Variants in DCC observed in about 807,000 individuals in gnomAD.
DCC encodes DCC netrin 1 receptor.
Under a neutral mutation model 172.5 loss-of-function variants are expected in DCC, and 58 were observed. The observed-to-expected ratio is 0.34, with a 90% confidence interval of 0.27 to 0.42. The LOEUF is 0.42. Ranked by LOEUF, DCC falls within the 10% of genes least tolerant of loss-of-function variation. DCC has a pLI of 1.00. For missense variants in DCC, 1,740 were observed against 1,791.0 expected, an observed-to-expected ratio of 0.97 and a Z score of 0.51; for synonymous variants, 709 against 644.5, an observed-to-expected ratio of 1.10 and a Z score of -1.52.
intron 15 of DCC, among the ~76,000 whole-genome samples, chr18:53,360,519 A>G (rs2057934472): frequency 6.6e-6 from 1 of 152,152 alleles, no homozygotes; most frequent in South Asian, 2.1e-4. Flanking sequence ...TAAACTAGGC[A>G]TTTACTGTCT....
intron 2 of DCC, among the ~76,000 whole-genome samples, chr18:52,883,350 A>ATG (rs1172759213): frequency 0.052 from 1,778 of 34,038 alleles, 33 homozygotes; most frequent in East Asian, 0.16. Flanking sequence ...TTATTTATTT[A>ATG]TGTGTGTGTG....
At chr18:53,308,793 G>C (rs1485738845) in intron 13 of DCC, among the ~76,000 whole-genome samples, 1 of 152,214 alleles carries the variant, frequency 6.6e-6, no homozygotes, top group East Asian at 1.9e-4. Flanking sequence ...AAAATACCAC[G>C]AATTTCGTAA....
At chr18:52,914,639 T>C (rs779931724) in intron 3 of DCC, among the ~76,000 whole-genome samples, 1 of 128,492 alleles carries the variant, frequency 7.8e-6, no homozygotes, top group Non-Finnish European at 1.7e-5. Flanking sequence ...GGTTTTTCAA[T>C]AAAGAATATT....
chr18:53,227,612 T>C (rs1011134667), intron 12 of DCC, among the ~76,000 whole-genome samples: 4 of 152,282 alleles, frequency 2.6e-5, no homozygotes, highest in African/African-American at 9.6e-5. Context: ...AGTATGTTAA[T>C]AGTAGGAAAA....
intron 20 of DCC, among the ~76,000 whole-genome samples, chr18:53,415,496 A>G (rs1910257985): frequency 6.6e-6 from 1 of 152,210 alleles, no homozygotes; most frequent in South Asian, 2.1e-4. Flanking sequence ...TAGCAGAAAA[A>G]AAAAGTCATC....
chr18:53,381,197 G>A (rs1907701047), intron 15 of DCC, among the ~76,000 whole-genome samples: 1 of 152,118 alleles, frequency 6.6e-6, no homozygotes, highest in Non-Finnish European at 1.5e-5. Flanking sequence ...TGTATTCTCA[G>A]TACCAAGTAA....
At chr18:53,400,558 C>T (rs17506372) in intron 18 of DCC, among the ~76,000 whole-genome samples, 64,494 of 151,830 alleles carry the variant, frequency 0.42, 15,467 homozygotes, top group Non-Finnish European at 0.55. Flanking sequence ...GAATTCTGCT[C>T]GACTTAGTAG....
At chr18:52,812,061 A>G (rs1025587664) in intron 2 of DCC, among the ~76,000 whole-genome samples, 5 of 152,214 alleles carry the variant, frequency 3.3e-5, no homozygotes, top group African/African-American at 1.2e-4. Context: ...TGAGAAGAAA[A>G]ATAATCTGGT....
intron 5 of DCC, among the ~76,000 whole-genome samples, chr18:52,972,578 T>C (rs1350633931): frequency 6.6e-6 from 1 of 151,962 alleles, no homozygotes. Context: ...AAGATGGATA[T>C]GTCTATGTAA....
intron 7 of DCC, among the ~76,000 whole-genome samples, chr18:53,106,729 A>T (rs549766534): frequency 1.3e-5 from 2 of 151,988 alleles, no homozygotes; most frequent in South Asian, 4.1e-4. Flanking sequence ...AATGTAAAGG[A>T]ATAAAAGAAT....
chr18:52,764,782 T>G (rs1265212568), intron 2 of DCC, among the ~76,000 whole-genome samples: 1 of 152,192 alleles, frequency 6.6e-6, no homozygotes, highest in African/African-American at 2.4e-5. Flanking sequence ...AAGACAATTT[T>G]CCATGTACTG....
In DCC at chr18:53,466,257, G is replaced by T. The variant is rs1462927542; in HGVS notation, c.3620-1637G>T. 2.0e-5 allele frequency among the ~76,000 whole-genome samples: 3 copies of T among 152,168 alleles called. No individual in the cohort carries two copies. In the South Asian group the frequency reaches 6.2e-4, roughly 32 times the overall value. ...AACCCACACACTTTTAAATGCTCTG[G>T]TCTCCTAGGAAACTTTTTTAGTATT... On this transcript the variant is annotated intron_variant, in intron 24 of 28. Coordinates refer to ENST00000442544, the MANE Select transcript of DCC (RefSeq NM_005215.4).
rs1333711929 is a variant in DCC, at chr18:52,421,567, C to T, written c.91+80689C>T. Among the ~76,000 whole-genome samples, 5 of 152,182 alleles carry T rather than the reference C, an allele frequency of 3.3e-5. No individual in the cohort carries two copies. The East Asian group carries it at 9.6e-4, about 29-fold the overall frequency. ...AGGCTCTTGAGGGATGGTGTCTTTT[C>T]AGCACAAAACGCCACATCTGCTGCA... On this transcript the variant is annotated intron_variant, in intron 1 of 28. Transcript: ENST00000442544.
intron 1 of DCC, among the ~76,000 whole-genome samples, chr18:52,472,241 TC>T (rs1988967658): frequency 6.6e-6 from 1 of 152,048 alleles, no homozygotes; most frequent in Admixed American, 6.6e-5. Context: ...TACCACCCTC[TC>T]CCCTTCCCCT....
intron 1 of DCC, among the ~76,000 whole-genome samples, chr18:52,747,037 T>C (rs925107352): frequency 6.6e-6 from 1 of 152,072 alleles, no homozygotes; most frequent in Non-Finnish European, 1.5e-5. Context: ...CAGACAATTA[T>C]AGATAAGAAA....
intron 5 of DCC, among the ~76,000 whole-genome samples, chr18:52,976,871 G>A (rs1053423807): frequency 2.6e-5 from 4 of 152,160 alleles, no homozygotes; most frequent in Admixed American, 2.0e-4. Context: ...AGGGTACACA[G>A]TTCTTCAAAT....
chr18:53,144,927 T>C (rs759530264), intron 7 of DCC, among the ~76,000 whole-genome samples: 1 of 151,876 alleles, frequency 6.6e-6, no homozygotes, highest in Non-Finnish European at 1.5e-5. Flanking sequence ...ATCATCAAAT[T>C]TTATTGCTTT....
chr18:53,036,365 A>G (rs1363078757), intron 5 of DCC, among the ~76,000 whole-genome samples: 2 of 152,032 alleles, frequency 1.3e-5, no homozygotes, highest in Non-Finnish European at 2.9e-5. Flanking sequence ...TCTGCAAGCA[A>G]CACTAGGTGA....
At chr18:53,428,477 A>G (rs1386831471) in intron 21 of DCC, among the ~76,000 whole-genome samples, 2 of 48,500 alleles carry the variant, frequency 4.1e-5, no homozygotes, top group African/African-American at 6.2e-5. Context: ...ATAATATATA[A>G]TATATATTTT....
Sources: gnomAD v4.1 joint callset for allele counts (sites outside exome capture counted in the v4.1 genomes callset) on GRCh38, gnomAD v4.1.1 for gene constraint, MANE v1.5 for transcripts, NCBI Gene and HGNC (gene_info 2026-07-23, HGNC 2026-07-21) for gene names.